LRRC9: variants seen among roughly 807,000 people sequenced by gnomAD.
The protein encoded by LRRC9 is leucine rich repeat containing 9, also known as leucine-rich repeat-containing protein 9.
LRRC9 carries 122 observed loss-of-function variants against 63.2 expected under a neutral mutation model. That is an observed-to-expected ratio of 1.93 (90% CI 1.67 to 2.24). The LOEUF (loss-of-function observed/expected upper bound fraction) is 2.24, where lower values mean the gene tolerates loss of function less well. Ranked by LOEUF, LRRC9 falls within the 30% of genes most tolerant of loss-of-function variation. The pLI is 0.00. For synonymous variants in LRRC9, 366 were observed against 213.1 expected (o/e 1.72, Z -6.25); for missense variants, 1,071 against 627.7 (o/e 1.71, Z -7.55).
intron 29 of LRRC9, among the ~76,000 whole-genome samples, chr14:60,038,909 T>A (rs1015943854): frequency 3.9e-5 from 6 of 152,202 alleles, no homozygotes; most frequent in Admixed American, 3.3e-4. Context: ...GGGTCTGTCA[T>A]AAATAGCTCT....
intron 23 of LRRC9, 53 bp from the exon 24 acceptor site, chr14:60,016,607 G>A: frequency 1.5e-6 from 1 of 645,644 alleles, no homozygotes; most frequent in Non-Finnish European, 2.9e-6. Flanking sequence ...AGAGAACTAT[G>A]TAATTTAGTC....
chr14:60,066,762 C>T (rs1210873626), downstream of LRRC9, among the ~76,000 whole-genome samples: 3 of 152,100 alleles, frequency 2.0e-5, no homozygotes, highest in Admixed American at 6.5e-5. Flanking sequence ...GTAAATTATA[C>T]CATTCTACTG....
At chr14:59,921,575 A>G (rs987274028) in intron 1 of LRRC9, among the ~76,000 whole-genome samples, 4 of 152,130 alleles carry the variant, frequency 2.6e-5, no homozygotes, top group Non-Finnish European at 4.4e-5. Flanking sequence ...CCAATAGAAG[A>G]ATGGTGGTGT....
At chr14:59,998,866 A>G (rs887134104) in intron 18 of LRRC9, among the ~76,000 whole-genome samples, 4 of 152,002 alleles carry the variant, frequency 2.6e-5, no homozygotes, top group African/African-American at 7.2e-5. Context: ...TCACTTTTCA[A>G]TAGCTTATGG....
intron 8 of LRRC9, 32 bp from the exon 9 acceptor site, chr14:59,959,786 T>C (rs1328535722): frequency 1.5e-5 from 8 of 544,492 alleles, no homozygotes; most frequent in South Asian, 2.6e-5. Context: ...GTTTTATTTT[T>C]ATTTTGCTCT....
rs1216222485 is a variant in LRRC9, at chr14:59,932,783, T to G, written c.543+744T>G. Among the ~76,000 whole-genome samples the G allele has an allele frequency of 6.6e-6, 1 of 151,984 alleles. No individual in the cohort carries two copies. The highest frequency in any genetic ancestry group is 2.4e-5 in the African/African-American group (1 of 41,390). ...AATGAAAAATATCTTCCTAACAATT[T>G]TTCCTGTGTTTGTCCTTTCCCTACT... On this transcript the variant is annotated intron_variant, in intron 6 of 31. Transcript: ENST00000445360. This position sits in a 1 kb window ranked among gnomAD's most constrained non-coding sequence, Gnocchi z 4.7.
chr14:60,025,893 T>A (rs1235888704), intron 27 of LRRC9, among the ~76,000 whole-genome samples: 2 of 151,882 alleles, frequency 1.3e-5, no homozygotes, highest in Non-Finnish European at 2.9e-5. Context: ...TTAAAAGGAA[T>A]AAATATTAGG....
intron 10 of LRRC9, among the ~76,000 whole-genome samples, chr14:59,963,095 C>T (rs188654967): frequency 2.0e-5 from 3 of 152,224 alleles, no homozygotes; most frequent in Admixed American, 6.5e-5. Flanking sequence ...TAAACACTGA[C>T]TTCTCCTATT....
At chr14:60,043,279 CCTTT>C (rs1274605300) in intron 29 of LRRC9, among the ~76,000 whole-genome samples, 1 of 152,082 alleles carries the variant, frequency 6.6e-6, no homozygotes, top group African/African-American at 2.4e-5. Flanking sequence ...ATTTGGATGC[CCTTT>C]CTTTCTTTCT....
chr14:60,022,663 T>G, intron 26 of LRRC9, 71 bp from the exon 27 acceptor site: 1 of 470,250 alleles, frequency 2.1e-6, no homozygotes, highest in South Asian at 4.7e-5. Context: ...AAACACATAC[T>G]GAACTGTCTT....
chr14:59,943,303 A>AT (rs1380793787), intron 7 of LRRC9, among the ~76,000 whole-genome samples: 8 of 151,960 alleles, frequency 5.3e-5, no homozygotes, highest in South Asian at 4.2e-4. Flanking sequence ...ATTTAAGTCC[A>AT]TTTTTTGAGT....
intron 7 of LRRC9, among the ~76,000 whole-genome samples, chr14:59,939,024 T>C (rs990464465): frequency 1.4e-4 from 20 of 138,464 alleles, no homozygotes; most frequent in African/African-American, 1.9e-4. Context: ...CATATATATA[T>C]ACATATATAC....
chr14:60,015,218 G>T (rs1289367431), intron 23 of LRRC9, among the ~76,000 whole-genome samples: 2 of 150,994 alleles, frequency 1.3e-5, no homozygotes, highest in Non-Finnish European at 2.9e-5. Context: ...GTCCATAATT[G>T]CTTGTTGAGC....
intron 10 of LRRC9, among the ~76,000 whole-genome samples, 197 bp downstream of exon 10, chr14:59,961,242 T>A (rs79021631): frequency 1.3e-5 from 2 of 152,360 alleles, no homozygotes; most frequent in African/African-American, 2.4e-5. Flanking sequence ...CATTTCTGTT[T>A]ATGCCATTAC....
At chr14:59,940,596 A>G (rs559946008) in intron 7 of LRRC9, among the ~76,000 whole-genome samples, 5 of 152,242 alleles carry the variant, frequency 3.3e-5, no homozygotes, top group African/African-American at 1.2e-4. Flanking sequence ...CCACTACTGA[A>G]GAGCTCAGTT....
chr14:59,959,591 G>A (rs768608443), intron 8 of LRRC9, among the ~76,000 whole-genome samples: 19 of 152,080 alleles, frequency 1.2e-4, no homozygotes, highest in South Asian at 2.1e-4. Context: ...GGTTAAGGTC[G>A]GCACTTGGTC....
chr14:59,975,100 T>C lies in LRRC9; in HGVS notation c.1639+392T>C, dbSNP rs563419085. ...TGTGTGTGTGTAGTGTATATATATA[T>C]ACATATATATATGTATATATATATA... On this transcript the variant is annotated intron_variant, in intron 13 of 31. Coordinates refer to ENST00000445360, the Ensembl canonical transcript of LRRC9. 1.5e-4 allele frequency among the ~76,000 whole-genome samples: 12 copies of C among 78,742 alleles called. 2 individuals are homozygous for C. Among genetic ancestry groups the C allele is most frequent in the Admixed American group, 3.0e-4 (2 of 6,712 alleles). 51.7% of individuals were successfully genotyped at this position (78,742 alleles called of 152,430 possible).
intron 13 of LRRC9, among the ~76,000 whole-genome samples, chr14:59,976,471 A>G (rs987075445): frequency 1.3e-5 from 2 of 152,172 alleles, no homozygotes; most frequent in African/African-American, 2.4e-5. Context: ...ACTAAACGAT[A>G]CGTGTTTTGC....
In LRRC9 at chr14:60,063,509, AATCT is replaced by A. The variant is rs1452038971; in HGVS notation, c.*104_*107del. The A allele has an allele frequency of 2.4e-5, 14 of 592,104 alleles. No homozygotes were observed. The East Asian group carries it at 4.0e-4, about 17-fold the overall frequency. The allele number at this position is 592,104 out of a possible 1,614,324, so 36.7% of individuals were successfully genotyped here. On this transcript the variant is annotated 3_prime_UTR_variant, in exon 32 of 32. Transcript: ENST00000445360. ...AAGCACTTCAGTTCCATATGAAGATAATCTATTACCCTTCATGAACTTGATTTAA... is the reference window on the plus strand; with the variant it reads ...AAGCACTTCAGTTCCATATGAAGATAATTACCCTTCATGAACTTGATTTAA...
Sources: gnomAD v4.1 joint callset for allele counts (sites outside exome capture counted in the v4.1 genomes callset) on GRCh38, gnomAD v4.1.1 for gene constraint, Gnocchi (gnomAD v3.1) non-coding constraint, MANE v1.5 for transcripts, NCBI Gene and HGNC (gene_info 2026-07-23, HGNC 2026-07-21) for gene names.